Variants in FKBP15 observed in about 807,000 individuals in gnomAD.
FKBP15 encodes the protein FKBP prolyl isomerase family member 15.
In FKBP15, 106 loss-of-function variants were observed where a neutral mutation model predicts 158.1. That is an observed-to-expected ratio of 0.67 (90% CI 0.57 to 0.79). FKBP15 has a LOEUF of 0.79. Ranked by LOEUF, FKBP15 falls within the 30% of genes least tolerant of loss-of-function variation. The pLI, the probability that FKBP15 is intolerant of heterozygous loss-of-function variation, is 0.00. For missense variants in FKBP15, 1,287 were observed against 1,479.1 expected, an observed-to-expected ratio of 0.87 and a Z score of 2.13; for synonymous variants, 547 against 548.6, an observed-to-expected ratio of 1.00 and a Z score of 0.04.
At chr9:113,206,712 A>ATTTTT (rs35902681) in intron 3 of FKBP15, 134 bp from the exon 4 acceptor site, 11 of 290,350 alleles carry the variant, frequency 3.8e-5, no homozygotes, top group South Asian at 7.7e-5. Flanking sequence ...GCGGTTTAAA[A>ATTTTT]TTTTTTTTTT....
At chr9:113,217,502 G>A (rs111610616) in intron 1 of FKBP15, among the ~76,000 whole-genome samples, 8,723 of 152,044 alleles carry the variant, frequency 0.057, 374 homozygotes, top group Non-Finnish European at 0.082. Flanking sequence ...GAACCACCAC[G>A]CACAGTCCCA....
rs1830069613 is a variant in FKBP15 at position 113,164,613 on chromosome 9, C to T, written c.*1465G>A. The T allele has an allele frequency of 6.6e-6, 1 of 152,330 alleles. No homozygotes were observed. Among genetic ancestry groups the T allele is most frequent in the Admixed American group, 6.5e-5 (1 of 15,294 alleles). The allele number at this position is 152,330 out of a possible 1,614,324, so 9.4% of individuals were successfully genotyped here. ...AGGGAACTGGAAAGCTGCCTGGTGT[C>T]TCAAGAAGCCTGTTTCTAAAAGCAT... On this transcript the variant is annotated 3_prime_UTR_variant, in exon 28 of 28. Transcript: ENST00000238256.
Position 113,193,489 on chromosome 9 carries a change from T to TA in FKBP15, c.1065+2dup, listed in dbSNP as rs781460401. On this transcript the variant is annotated splice_region_variant and intron_variant, in intron 11 of 27. Transcript: ENST00000238256. ...CATGCCTGGCCAAGACTCTTATACT[T>TA]ACTGTATTTATTGCAAGTTGTTCAC... 1 of 1,589,998 alleles carries TA rather than the reference T, an allele frequency of 6.3e-7. No individual in the cohort carries two copies.
rs370490628 is a variant in FKBP15 at position 113,207,205 on chromosome 9, G to A, written c.254+7C>T. 3.7e-6 allele frequency: 6 copies of A among 1,608,622 alleles called. No homozygotes were observed. The highest frequency in any genetic ancestry group is 2.7e-5 in the African/African-American group (2 of 74,520). On this transcript the variant is annotated splice_region_variant and intron_variant, in intron 3 of 27. Transcript: ENST00000238256. ...ACTTCAGAGGGTGTTCCTTCTCAGC[G>A]ACTTACTATCGATATGCATGGACTG...
At chr9:113,192,427 C>A (rs1338470171) in intron 11 of FKBP15, among the ~76,000 whole-genome samples, 1 of 152,170 alleles carries the variant, frequency 6.6e-6, no homozygotes, top group African/African-American at 2.4e-5. Context: ...CCACAGGCAG[C>A]AAACTCAGAA....
Position 113,184,511 on chromosome 9 carries a change from TCTAA to T in FKBP15, c.1609-116_1609-113del. On this transcript the variant is annotated intron_variant, in intron 16 of 27. Coordinates refer to ENST00000238256, the MANE Select transcript of FKBP15 (RefSeq NM_015258.2). This position sits in a 1 kb window ranked among gnomAD's most constrained non-coding sequence, Gnocchi z 4.5. ...GGGTTAATGAGTTCCTGGGACAATC[TCTAA>T]CTGTTAAGTTAGAGTTTTCTCCTAC... is the stretch of plus-strand genomic sequence containing the variant. 3 of 964,370 alleles carry T rather than the reference TCTAA, an allele frequency of 3.1e-6. No individual in the cohort carries two copies. Among genetic ancestry groups the T allele is most frequent in the Non-Finnish European group, 4.8e-6 (3 of 624,552 alleles). The allele number at this position is 964,370 out of a possible 1,614,324, so 59.7% of individuals were successfully genotyped here. A position where few individuals can be genotyped will look rare whatever the true frequency, so the allele number is the denominator to read the frequency against.
At chr9:113,182,964 T>A (rs1830426451) in intron 18 of FKBP15, 96 bp from the exon 19 acceptor site, 4 of 978,190 alleles carry the variant, frequency 4.1e-6, no homozygotes, top group Non-Finnish European at 6.4e-6. Flanking sequence ...ACATTGCTGC[T>A]CTATACCTTT....
intron 9 of FKBP15, 57 bp from the exon 10 acceptor site, chr9:113,194,226 T>C: frequency 7.4e-7 from 1 of 1,356,014 alleles, no homozygotes; most frequent in South Asian, 1.3e-5. Flanking sequence ...TGAGATCACA[T>C]GGACACAGGA....
chr9:113,210,638 C>G (rs1164245080), intron 2 of FKBP15, among the ~76,000 whole-genome samples: 1 of 152,170 alleles, frequency 6.6e-6, no homozygotes, highest in African/African-American at 2.4e-5. Context: ...TTGAAGTACA[C>G]AAAGTATTGT....
chr9:113,193,464 CA>C (rs1422292577), intron 11 of FKBP15, 27 bp downstream of exon 11: 1 of 1,560,622 alleles, frequency 6.4e-7, no homozygotes, highest in African/African-American at 1.4e-5. Flanking sequence ...TGTGAACCAC[CA>C]TGCCTGGCCA....
At position 113,165,955 on chromosome 9, in the gene FKBP15, A is replaced by G; in HGVS notation, c.*123T>C. 1.1e-6 allele frequency: 1 copy of G among 880,744 alleles called. No individual in the cohort carries two copies. Among genetic ancestry groups the G allele is most frequent in the Non-Finnish European group, 1.7e-6 (1 of 579,414 alleles). 54.6% of individuals were successfully genotyped at this position (880,744 alleles called of 1,614,324 possible). A position where few individuals can be genotyped will look rare whatever the true frequency, so the allele number is the denominator to read the frequency against. ...TGGCCAACCCACCCTCTGAGCCCAA[A>G]TATTGTTCCCAGAATGCTCACCTTG... On this transcript the variant is annotated 3_prime_UTR_variant, in exon 28 of 28. Transcript: ENST00000238256.
At chr9:113,215,216 G>A (rs147644502) in intron 1 of FKBP15, among the ~76,000 whole-genome samples, 4 of 152,186 alleles carry the variant, frequency 2.6e-5, no homozygotes, top group Non-Finnish European at 5.9e-5. Flanking sequence ...TTGTTTACAC[G>A]CCTTCCTCAC....
intron 10 of FKBP15, 72 bp downstream of exon 10, chr9:113,193,955 T>C: frequency 1.4e-6 from 2 of 1,464,492 alleles, no homozygotes; most frequent in Non-Finnish European, 1.8e-6. Flanking sequence ...TAACTATATC[T>C]CTATTTCTGA....
At position 113,207,264 on chromosome 9, in the gene FKBP15, T is replaced by C. The variant is rs749676043; in HGVS notation, c.202A>G (p.Thr68Ala). 1.4e-5 allele frequency: 23 copies of C among 1,613,234 alleles called. No individual in the cohort carries two copies. In the Admixed American group the frequency reaches 3.2e-4, roughly 22 times the overall value. Residue 68 changes from threonine to alanine, a missense_variant, in exon 3 of 28, where the codon ACC becomes GCC. Coordinates refer to ENST00000238256, the MANE Select transcript of FKBP15 (RefSeq NM_015258.2). Reference protein sequence around the residue: ...NQATPKTAPATMSTPTILVAT... With the variant: ...NQATPKTAPAAMSTPTILVAT... The stretch of plus-strand genomic sequence containing the variant: ...ACCAGTATTGTGGGAGTGCTCATGG[T>C]GGCTGGTGCTGTTTTTGGTGTTGCC...
At chr9:113,189,071 AG>A (rs966604648) in intron 12 of FKBP15, among the ~76,000 whole-genome samples, 45 of 152,364 alleles carry the variant, frequency 3.0e-4, no homozygotes, top group African/African-American at 9.4e-4. Flanking sequence ...CTCTAAACAA[AG>A]TTATTCTACC....
At chr9:113,217,488 G>C (rs1178783044) in intron 1 of FKBP15, among the ~76,000 whole-genome samples, 1 of 152,058 alleles carries the variant, frequency 6.6e-6, no homozygotes, top group Non-Finnish European at 1.5e-5. Flanking sequence ...GGGATTACAA[G>C]CGTGAACCAC....
Position 113,164,186 on chromosome 9 carries a change from CT to C in FKBP15, c.*1891del, listed in dbSNP as rs1162492656. ...AATTCCAACAGAAAGCACATGAACC[CT>C]TGTAACAACTGCAGGGGCTGAGTGG... On this transcript the variant is annotated 3_prime_UTR_variant, in exon 28 of 28. Transcript: ENST00000238256. The C allele has an allele frequency of 2.0e-5, 3 of 152,396 alleles. No individual in the cohort carries two copies. Among genetic ancestry groups the C allele is most frequent in the Non-Finnish European group, 4.4e-5 (3 of 68,040 alleles). 9.4% of individuals were successfully genotyped at this position (152,396 alleles called of 1,614,324 possible).
At chr9:113,205,982 C>T (rs1174511563) in intron 4 of FKBP15, 2 of 152,384 alleles carry the variant, frequency 1.3e-5, no homozygotes, top group African/African-American at 4.8e-5. Context: ...TTCATAAAAA[C>T]AAGAAGAGAT....
rs1459780984 is a variant in FKBP15, at chr9:113,165,000, T to C, written c.*1078A>G. On this transcript the variant is annotated 3_prime_UTR_variant, in exon 28 of 28. Coordinates refer to ENST00000238256, the MANE Select transcript of FKBP15 (RefSeq NM_015258.2). ...AAGTGGAATTTTGGGTCCTATCTTTTAAAACATTTAAAATCAAGAAACATT... is the reference window on the plus strand; with the variant it reads ...AAGTGGAATTTTGGGTCCTATCTTTCAAAACATTTAAAATCAAGAAACATT... 6.6e-6 allele frequency: 1 copy of C among 152,216 alleles called. No individual in the cohort carries two copies. The highest frequency in any genetic ancestry group is 2.4e-5 in the African/African-American group (1 of 41,440). 9.4% of individuals were successfully genotyped at this position (152,216 alleles called of 1,614,324 possible).
Sources: allele counts gnomAD v4.1 joint callset (sites outside exome capture counted in the v4.1 genomes callset), GRCh38; gene constraint gnomAD v4.1.1; non-coding constraint Gnocchi (gnomAD v3.1); transcripts MANE v1.5; gene names NCBI Gene and HGNC (gene_info 2026-07-23, HGNC 2026-07-21).